Variants in EXOC6B observed in about 807,000 individuals in gnomAD.
The protein encoded by EXOC6B is exocyst complex component 6B.
Under a neutral mutation model 113.5 loss-of-function variants are expected in EXOC6B, and 54 were observed. That is an observed-to-expected ratio of 0.48 (90% CI 0.38 to 0.60). EXOC6B has a LOEUF of 0.60. Ranked by LOEUF, EXOC6B falls within the 20% of genes least tolerant of loss-of-function variation. The probability of loss-of-function intolerance (pLI) is 0.00; values close to 1 mark genes in which losing one functional copy is unlikely to be tolerated. For synonymous variants in EXOC6B, 357 were observed against 339.0 expected (o/e 1.05, Z -0.58); for missense variants, 797 against 977.5 (o/e 0.82, Z 2.46).
intron 20 of EXOC6B, among the ~76,000 whole-genome samples, chr2:72,242,954 T>TA (rs1443567835): frequency 6.6e-6 from 1 of 152,126 alleles, no homozygotes; most frequent in Non-Finnish European, 1.5e-5. Context: ...AGGCTTGTCT[T>TA]AAACTCTTGG....
At chr2:72,430,905 C>A (rs1008220699) in intron 18 of EXOC6B, among the ~76,000 whole-genome samples, 2 of 152,152 alleles carry the variant, frequency 1.3e-5, no homozygotes, top group Non-Finnish European at 2.9e-5. Flanking sequence ...CTAAAGGGAA[C>A]AAATTCCATA....
intron 19 of EXOC6B, among the ~76,000 whole-genome samples, chr2:72,339,715 T>G (rs1053932178): frequency 2.6e-5 from 4 of 152,110 alleles, no homozygotes; most frequent in African/African-American, 9.7e-5. Context: ...TGCAAAATCT[T>G]TCAATGAGGA....
At chr2:72,572,458 C>T (rs115401909) in intron 7 of EXOC6B, among the ~76,000 whole-genome samples, 2,795 of 152,188 alleles carry the variant, frequency 0.018, 108 homozygotes, top group African/African-American at 0.064. Context: ...AAATTTCATG[C>T]AAAACATTTT....
intron 6 of EXOC6B, among the ~76,000 whole-genome samples, chr2:72,684,906 C>T (rs1232379694): frequency 6.6e-6 from 1 of 151,906 alleles, no homozygotes; most frequent in African/African-American, 2.4e-5. Context: ...GTTAAGCAGG[C>T]AAGATAGGGG....
chr2:72,496,547 A>G lies in EXOC6B; in HGVS notation c.1350T>C (p.Asp450=). Residue 450 remains aspartate, a synonymous_variant, in exon 14 of 22, where the codon GAT becomes GAC. Coordinates refer to ENST00000272427, the MANE Select transcript of EXOC6B (RefSeq NM_015189.3). The stretch of plus-strand genomic sequence containing the variant: ...CTGGTATAGGACTGTAGTTGTCAGA[A>G]TCAAGTATGTTTCTATAAATGGAAG... ...KWAGIFRNIL[D]SDNYSPIPVT... is the part of the protein sequence containing the mutation. 6.3e-7 allele frequency: 1 copy of G among 1,584,710 alleles called. No homozygotes were observed. Among genetic ancestry groups the G allele is most frequent in the Non-Finnish European group, 8.6e-7 (1 of 1,161,402 alleles).
Position 72,659,338 on chromosome 2 carries a change from T to C in EXOC6B, c.669+58765A>G, listed in dbSNP as rs544903598. ...GATCTCTTGGTTGAATCAACTGACCTCAAAAAAAGAAGACCCCTAATCTCT... is the reference window on the plus strand; with the variant it reads ...GATCTCTTGGTTGAATCAACTGACCCCAAAAAAAGAAGACCCCTAATCTCT... On this transcript the variant is annotated intron_variant, in intron 6 of 21. Coordinates refer to ENST00000272427, the MANE Select transcript of EXOC6B (RefSeq NM_015189.3). 2.6e-5 allele frequency among the ~76,000 whole-genome samples: 4 copies of C among 152,112 alleles called. No homozygotes were observed. The East Asian group carries it at 7.7e-4, about 29-fold the overall frequency.
At chr2:72,667,958 C>T (rs1337369042) in intron 6 of EXOC6B, among the ~76,000 whole-genome samples, 1 of 152,100 alleles carries the variant, frequency 6.6e-6, no homozygotes, top group Non-Finnish European at 1.5e-5. Flanking sequence ...AAAATATTCA[C>T]CAACTATGCA....
intron 6 of EXOC6B, among the ~76,000 whole-genome samples, chr2:72,692,832 A>G (rs1677595607): frequency 6.6e-6 from 1 of 152,196 alleles, no homozygotes; most frequent in South Asian, 2.1e-4. Context: ...ACAAAAGCCC[A>G]AGAGAGGAAA....
At chr2:72,744,231 T>G (rs1255407275) in intron 1 of EXOC6B, among the ~76,000 whole-genome samples, 6 of 152,172 alleles carry the variant, frequency 3.9e-5, no homozygotes, top group Non-Finnish European at 8.8e-5. Context: ...AATGACACAT[T>G]TTTTAGAACA....
chr2:72,561,496 A>T (rs1442326670), intron 7 of EXOC6B, among the ~76,000 whole-genome samples: 2 of 152,038 alleles, frequency 1.3e-5, no homozygotes, highest in Admixed American at 6.6e-5. Context: ...GTTTAACTTC[A>T]TCTCAGAACC....
At chr2:72,401,465 A>G (rs1370972213) in intron 18 of EXOC6B, among the ~76,000 whole-genome samples, 5 of 131,158 alleles carry the variant, frequency 3.8e-5, no homozygotes, top group Middle Eastern at 7.5e-3. Flanking sequence ...TCCGTATTTA[A>G]AAAAAAAACA....
chr2:72,708,265 A>G (rs1181448874), intron 6 of EXOC6B, among the ~76,000 whole-genome samples: 1 of 152,200 alleles, frequency 6.6e-6, no homozygotes, highest in Non-Finnish European at 1.5e-5. Context: ...ACATGTTAGG[A>G]TAGTGGAACC....
chr2:72,416,710 T>C (rs775104940), intron 18 of EXOC6B, among the ~76,000 whole-genome samples: 19 of 152,130 alleles, frequency 1.2e-4, no homozygotes, highest in Non-Finnish European at 2.2e-4. Context: ...TGATCTTCCT[T>C]GGGTCTATAA....
chr2:72,730,579 GACACACACACACACACACAC>G (rs3034987), intron 5 of EXOC6B, among the ~76,000 whole-genome samples: 9 of 144,560 alleles, frequency 6.2e-5, no homozygotes, highest in South Asian at 4.5e-4. Flanking sequence ...AACAGACAGA[GACACACACACACACACACAC>G]ACACACACAC....
At chr2:72,532,569 G>A (rs1196749924) in intron 8 of EXOC6B, among the ~76,000 whole-genome samples, 1 of 152,106 alleles carries the variant, frequency 6.6e-6, no homozygotes, top group Non-Finnish European at 1.5e-5. Context: ...CAGCACTTTG[G>A]GAGGCCGAGG....
At chr2:72,508,224 T>C (rs1700714531) in intron 11 of EXOC6B, among the ~76,000 whole-genome samples, 1 of 132,146 alleles carries the variant, frequency 7.6e-6, no homozygotes, top group African/African-American at 3.1e-5. Flanking sequence ...TATTATTAAA[T>C]ATTTTACCAA....
intron 6 of EXOC6B, among the ~76,000 whole-genome samples, chr2:72,631,430 A>ATTGTG (rs1344978733): frequency 5.0e-5 from 1 of 20,000 alleles, no homozygotes. Flanking sequence ...GTGTGTGTAT[A>ATTGTG]TATATATATA....
intron 6 of EXOC6B, among the ~76,000 whole-genome samples, chr2:72,628,502 T>C (rs1247296321): frequency 1.3e-5 from 2 of 152,176 alleles, no homozygotes; most frequent in African/African-American, 4.8e-5. Flanking sequence ...AGTTAAAGGC[T>C]GTTTGTGACC....
chr2:72,546,085 T>C (rs368753166), intron 8 of EXOC6B, among the ~76,000 whole-genome samples: 20 of 152,190 alleles, frequency 1.3e-4, no homozygotes, highest in African/African-American at 4.8e-4. Context: ...GGGAGAACCA[T>C]GTTCTAGGAA....
Sources: gnomAD v4.1 joint callset for allele counts (sites outside exome capture counted in the v4.1 genomes callset) on GRCh38, gnomAD v4.1.1 for gene constraint, MANE v1.5 for transcripts, NCBI Gene and HGNC (gene_info 2026-07-23, HGNC 2026-07-21) for gene names.